Variants in TAFA1 observed in about 807,000 individuals in gnomAD.
The protein encoded by TAFA1 is TAFA chemokine like family member 1.
Under a neutral mutation model 18.5 loss-of-function variants are expected in TAFA1, and 4 were observed. The ratio of observed to expected loss-of-function variants is 0.22; its 90% confidence interval spans 0.11 to 0.49. The LOEUF is 0.49. Ranked by LOEUF, TAFA1 falls within the 20% of genes least tolerant of loss-of-function variation. The pLI is 0.98. For missense variants in TAFA1, 147 were observed against 169.0 expected (o/e 0.87, Z 0.72); for synonymous variants, 56 against 55.2 (o/e 1.01, Z -0.06).
chr3:68,034,875 C>A (rs1164997049), intron 2 of TAFA1, among the ~76,000 whole-genome samples: 1 of 152,132 alleles, frequency 6.6e-6, no homozygotes, highest in African/African-American at 2.4e-5. Flanking sequence ...CATTCCAAAC[C>A]AGATATATTA....
chr3:68,477,407 T>A (rs546793310), intron 3 of TAFA1, among the ~76,000 whole-genome samples: 1 of 152,262 alleles, frequency 6.6e-6, no homozygotes, highest in African/African-American at 2.4e-5. Flanking sequence ...GGAGTTTTGC[T>A]TTTGTCGCCC....
intron 2 of TAFA1, among the ~76,000 whole-genome samples, chr3:68,097,885 T>C (rs1259407248): frequency 6.6e-6 from 1 of 152,166 alleles, no homozygotes; most frequent in East Asian, 1.9e-4. Context: ...TCCCACAGCA[T>C]GGCACAATAA....
intron 2 of TAFA1, among the ~76,000 whole-genome samples, chr3:68,048,819 C>G (rs1472067830): frequency 6.6e-6 from 1 of 152,160 alleles, no homozygotes; most frequent in Admixed American, 6.6e-5. Context: ...GAATAGTACT[C>G]TATTGTGCGT....
At chr3:68,345,269 C>T (rs1444556000) in intron 2 of TAFA1, among the ~76,000 whole-genome samples, 1 of 152,090 alleles carries the variant, frequency 6.6e-6, no homozygotes, top group Non-Finnish European at 1.5e-5. Flanking sequence ...AGTGAGCAAC[C>T]AGGGCCAGAT....
At chr3:68,462,788 A>AG (rs1302330174) in intron 3 of TAFA1, among the ~76,000 whole-genome samples, 1 of 152,172 alleles carries the variant, frequency 6.6e-6, no homozygotes, top group African/African-American at 2.4e-5. Flanking sequence ...GGCTTTTTCC[A>AG]GATTTAATTA....
chr3:68,368,847 A>G (rs989604409), intron 2 of TAFA1, among the ~76,000 whole-genome samples: 7 of 152,194 alleles, frequency 4.6e-5, no homozygotes, highest in African/African-American at 1.7e-4. Flanking sequence ...GCATCACACA[A>G]GAATGTATTC....
rs1272939444 is a variant in TAFA1 at position 68,295,810 on chromosome 3, A to G, written c.119-121470A>G. ...TTTTTTGTAGAGACAGGGTCTTGCT[A>G]TGTTGCCCAGGCTAGTCTCTAACTC... On this transcript the variant is annotated intron_variant, in intron 2 of 4. Transcript: ENST00000478136. 2.6e-5 allele frequency among the ~76,000 whole-genome samples: 4 copies of G among 152,160 alleles called. No homozygotes were observed. The East Asian group carries it at 7.7e-4, about 29-fold the overall frequency.
At chr3:68,030,554 G>A (rs1704911014) in intron 2 of TAFA1, among the ~76,000 whole-genome samples, 1 of 152,064 alleles carries the variant, frequency 6.6e-6, no homozygotes, top group African/African-American at 2.4e-5. Context: ...TGAGAATGAT[G>A]GTTTCCAGCT....
chr3:68,059,269 T>TGC (rs1451242340), intron 2 of TAFA1, among the ~76,000 whole-genome samples: 4 of 151,588 alleles, frequency 2.6e-5, no homozygotes, highest in Non-Finnish European at 5.9e-5. Context: ...CACACACGCA[T>TGC]GCACACACAC....
chr3:68,133,434 T>C (rs1012998562), intron 2 of TAFA1, among the ~76,000 whole-genome samples: 1 of 152,178 alleles, frequency 6.6e-6, no homozygotes, highest in Non-Finnish European at 1.5e-5. Context: ...GAGGATAGCA[T>C]TGAATCTGTA....
intron 2 of TAFA1, among the ~76,000 whole-genome samples, chr3:68,172,236 C>T (rs1343102270): frequency 9.2e-5 from 14 of 152,034 alleles, no homozygotes; most frequent in Admixed American, 7.9e-4. Flanking sequence ...GCAAAGGCTC[C>T]CCAATAAGAC....
At chr3:68,262,314 T>C (rs2067444582) in intron 2 of TAFA1, among the ~76,000 whole-genome samples, 1 of 19,664 alleles carries the variant, frequency 5.1e-5, no homozygotes, top group Non-Finnish European at 8.7e-5. Flanking sequence ...AGGGTATATA[T>C]ATATATATAT....
At chr3:68,178,771 G>A (rs1466528465) in intron 2 of TAFA1, among the ~76,000 whole-genome samples, 1 of 152,208 alleles carries the variant, frequency 6.6e-6, no homozygotes, top group Admixed American at 6.5e-5. Flanking sequence ...ACAAAGCTTT[G>A]TTATCCACGT....
At chr3:68,226,909 C>T (rs2066807650) in intron 2 of TAFA1, among the ~76,000 whole-genome samples, 1 of 152,136 alleles carries the variant, frequency 6.6e-6, no homozygotes, top group Admixed American at 6.5e-5. Flanking sequence ...AGGTAGCAAC[C>T]AGCAATGAGC....
At chr3:68,293,578 G>A (rs577472708) in intron 2 of TAFA1, among the ~76,000 whole-genome samples, 7 of 152,176 alleles carry the variant, frequency 4.6e-5, no homozygotes, top group African/African-American at 1.4e-4. Context: ...GTGATTAATA[G>A]TAGCATCTGC....
intron 3 of TAFA1, among the ~76,000 whole-genome samples, chr3:68,452,409 G>C (rs1196021033): frequency 6.6e-6 from 1 of 151,398 alleles, no homozygotes; most frequent in Non-Finnish European, 1.5e-5. Flanking sequence ...TATGGTCCTA[G>C]CTACTCGGGA....
At chr3:68,507,991 T>C (rs900308088) in intron 3 of TAFA1, among the ~76,000 whole-genome samples, 2 of 152,138 alleles carry the variant, frequency 1.3e-5, no homozygotes, top group South Asian at 4.1e-4. Flanking sequence ...AAAATAACCA[T>C]AGACTGGGCA....
chr3:68,038,823 G>C (rs1013128671), intron 2 of TAFA1, among the ~76,000 whole-genome samples: 2 of 152,142 alleles, frequency 1.3e-5, no homozygotes, highest in Non-Finnish European at 2.9e-5. Flanking sequence ...GATCACTGCT[G>C]TTATCATTTC....
intron 2 of TAFA1, among the ~76,000 whole-genome samples, chr3:68,295,837 T>G (rs1254554546): frequency 6.6e-6 from 1 of 152,164 alleles, no homozygotes. Context: ...CTCTAACTCC[T>G]GGCCTCAAGT....
Sources: allele counts gnomAD v4.1 joint callset (sites outside exome capture counted in the v4.1 genomes callset), GRCh38; gene constraint gnomAD v4.1.1; transcripts MANE v1.5; gene names NCBI Gene and HGNC (gene_info 2026-07-23, HGNC 2026-07-21).